RANBP2: variants seen among roughly 807,000 people sequenced by gnomAD.
RANBP2 encodes E3 SUMO-protein ligase RanBP2.
A neutral mutation model predicts 303.6 loss-of-function variants in RANBP2; 57 were observed. The observed-to-expected ratio is 0.19, with a 90% CI of 0.15 to 0.23. The LOEUF (loss-of-function observed/expected upper bound fraction) is 0.23. Among genes scored for constraint, RANBP2 ranks in the 10% least tolerant of loss-of-function variants. The pLI is 1.00. For synonymous variants in RANBP2, 1,167 were observed against 1,301.5 expected, an observed-to-expected ratio of 0.90 and a Z score of 2.23; for missense variants, 3,138 against 3,780.8, an observed-to-expected ratio of 0.83 and a Z score of 4.46.
the RANBP2 span, among the ~76,000 whole-genome samples, chr2:109,657,156 T>C: frequency 6.6e-6 from 1 of 152,140 alleles, no homozygotes; most frequent in Non-Finnish European, 1.5e-5. Context: ...CTCTGCTCTG[T>C]GGGGGACAGG....
chr2:108,772,539 G>A lies in RANBP2; in HGVS notation c.8071G>A (p.Asp2691Asn), dbSNP rs777053427. ...GAAACTTAATGGAAAACTATATTTG[G>A]ATGGCTCAGAAAAATGTAGACCCTT... ...VKKLNGKLYL[D>N]GSEKCRPLEE... Residue 2691 changes from aspartate (D) to asparagine (N), a missense_variant, in exon 22 of 29, where the codon GAT (aspartate) becomes AAT (asparagine). Around this residue, in one of 20 missense-constraint regions of RANBP2, gnomAD observed 497 missense variants for 465.8 expected, o/e 1.07. Transcript: ENST00000283195. The A allele has an allele frequency of 6.2e-7, 1 of 1,613,810 alleles. No homozygotes were observed. Among genetic ancestry groups the A allele is most frequent in the Non-Finnish European group, 8.5e-7 (1 of 1,179,848 alleles).
the RANBP2 span, among the ~76,000 whole-genome samples, chr2:109,460,622 C>A: frequency 6.6e-6 from 1 of 152,238 alleles, no homozygotes; most frequent in South Asian, 2.1e-4. Flanking sequence ...CTGCTGAGGT[C>A]ACCCTTTGGT....
the RANBP2 span, among the ~76,000 whole-genome samples, chr2:109,291,663 G>A: frequency 6.6e-6 from 1 of 152,178 alleles, no homozygotes; most frequent in Non-Finnish European, 1.5e-5. Context: ...TTGTTCCAGT[G>A]GGGTGTGAGA....
At position 108,744,923 on chromosome 2, in the gene RANBP2, A is replaced by G. The variant is rs1288713657; in HGVS notation, c.976-1788A>G. Among the ~76,000 whole-genome samples the G allele has an allele frequency of 3.3e-5, 5 of 152,174 alleles. No homozygotes were observed. The South Asian group carries it at 6.2e-4, about 19-fold the overall frequency. On this transcript the variant is annotated intron_variant, in intron 7 of 28. Coordinates refer to ENST00000283195, the MANE Select transcript of RANBP2 (RefSeq NM_006267.5). ...CATATATATCTCCTGTCTTTAAAAGAAGGAGGAAAACATTTGAACATTGCA... is the reference window on the plus strand; with the variant it reads ...CATATATATCTCCTGTCTTTAAAAGGAGGAGGAAAACATTTGAACATTGCA...
chr2:109,041,831 C>T, the RANBP2 span, among the ~76,000 whole-genome samples: 127,621 of 151,692 alleles, frequency 0.84, 56,410 homozygotes, highest in Non-Finnish European at 0.97. Flanking sequence ...GTGAGCCAAC[C>T]CGCCCGGCCT....
At chr2:109,231,126 A>G in the RANBP2 span, among the ~76,000 whole-genome samples, 2 of 152,244 alleles carry the variant, frequency 1.3e-5, no homozygotes, top group Non-Finnish European at 2.9e-5. Context: ...CTTGCCTAGC[A>G]TGGACTTAGT....
the RANBP2 span, among the ~76,000 whole-genome samples, chr2:109,412,029 C>A: frequency 6.6e-6 from 1 of 152,220 alleles, no homozygotes; most frequent in Non-Finnish European, 1.5e-5. Flanking sequence ...ACTGTCCACA[C>A]CTCAGGTTCC....
At chr2:109,123,625 A>G in the RANBP2 span, among the ~76,000 whole-genome samples, 10 of 152,232 alleles carry the variant, frequency 6.6e-5, no homozygotes, top group Non-Finnish European at 1.3e-4. Context: ...TCCACTCAGT[A>G]GCAATGTGAC....
the RANBP2 span, among the ~76,000 whole-genome samples, chr2:109,047,846 C>A: frequency 6.6e-6 from 1 of 152,146 alleles, no homozygotes; most frequent in Non-Finnish European, 1.5e-5. Flanking sequence ...AAAACAAAAC[C>A]TTTACCTCAA....
At chr2:109,260,175 G>A in the RANBP2 span, among the ~76,000 whole-genome samples, 5 of 151,996 alleles carry the variant, frequency 3.3e-5, no homozygotes, top group Admixed American at 2.6e-4. Context: ...CTTTCCTGGC[G>A]GCTGTTGATA....
At chr2:108,949,406 G>A in the RANBP2 span, among the ~76,000 whole-genome samples, 2 of 152,108 alleles carry the variant, frequency 1.3e-5, no homozygotes, top group Non-Finnish European at 2.9e-5. Flanking sequence ...GGGAAGATAC[G>A]GCTTGGGCAT....
At chr2:109,265,842 C>A in the RANBP2 span, among the ~76,000 whole-genome samples, 2 of 152,084 alleles carry the variant, frequency 1.3e-5, no homozygotes, top group East Asian at 1.9e-4. Context: ...CTGGGTGGGT[C>A]AAGGGGGTGG....
chr2:109,646,497 AT>A, the RANBP2 span, among the ~76,000 whole-genome samples: 87 of 146,906 alleles, frequency 5.9e-4, no homozygotes, highest in Non-Finnish European at 6.3e-4. Context: ...ACGGCTAATA[AT>A]TTTTTTTTTT....
At chr2:108,963,645 A>G in the RANBP2 span, among the ~76,000 whole-genome samples, 1 of 152,228 alleles carries the variant, frequency 6.6e-6, no homozygotes, top group Admixed American at 6.5e-5. Flanking sequence ...ATAAAACTCC[A>G]TGATCTGCAA....
chr2:109,525,508 C>T, the RANBP2 span, among the ~76,000 whole-genome samples: 1 of 152,158 alleles, frequency 6.6e-6, no homozygotes, highest in Non-Finnish European at 1.5e-5. Context: ...CGGAGCCCCA[C>T]AGGCCTACAC....
chr2:109,201,420 GCA>G, the RANBP2 span, among the ~76,000 whole-genome samples: 3 of 152,088 alleles, frequency 2.0e-5, no homozygotes, highest in African/African-American at 7.2e-5. Context: ...CTGTCTCCAG[GCA>G]CACATCCAGG....
intron 17 of RANBP2, among the ~76,000 whole-genome samples, chr2:108,756,975 G>A (rs1405392674): frequency 6.6e-6 from 1 of 152,188 alleles, no homozygotes; most frequent in African/African-American, 2.4e-5. Context: ...ATGAGTGGGG[G>A]AAATTTTATT....
chr2:109,228,291 T>C, the RANBP2 span, among the ~76,000 whole-genome samples: 1 of 152,206 alleles, frequency 6.6e-6, no homozygotes, highest in Non-Finnish European at 1.5e-5. Flanking sequence ...TATTGTCTCA[T>C]TAATGAGCAG....
At chr2:109,472,812 A>G in the RANBP2 span, among the ~76,000 whole-genome samples, 1 of 152,170 alleles carries the variant, frequency 6.6e-6, no homozygotes, top group African/African-American at 2.4e-5. Flanking sequence ...CCCGTTGGAA[A>G]TCCAACACAC....
Sources: gnomAD v4.1 joint callset for allele counts (sites outside exome capture counted in the v4.1 genomes callset) on GRCh38, gnomAD v4.1.1 for gene constraint, gnomAD v4.1.1 regional missense constraint, MANE v1.5 for transcripts, NCBI Gene and HGNC (gene_info 2026-07-23, HGNC 2026-07-21) for gene names.